Variants in CELF4 observed in about 807,000 individuals in gnomAD.
CELF4 encodes the protein CUG-BP- and ETR-3-like factor 4.
In CELF4, 18 loss-of-function variants were observed where a neutral mutation model predicts 59.9. The ratio of observed to expected loss-of-function variants is 0.30; its 90% confidence interval spans 0.21 to 0.45. The LOEUF is 0.45. CELF4 is among the 20% of genes least tolerant of loss of function. The probability of loss-of-function intolerance (pLI) is 1.00; values close to 1 mark genes in which losing one functional copy is unlikely to be tolerated. For missense variants in CELF4, 456 were observed against 689.0 expected (o/e 0.66, Z 3.79); for synonymous variants, 261 against 267.1 (o/e 0.98, Z 0.22).
chr18:37,544,900 C>T (rs900106505), intron 1 of CELF4, among the ~76,000 whole-genome samples: 2 of 152,180 alleles, frequency 1.3e-5, no homozygotes, highest in Non-Finnish European at 1.5e-5. Flanking sequence ...TTGTTGACAA[C>T]TTGGACAGGG....
intron 2 of CELF4, among the ~76,000 whole-genome samples, chr18:37,334,057 G>A (rs558947738): frequency 1.2e-4 from 19 of 152,254 alleles, no homozygotes; most frequent in African/African-American, 3.1e-4. Context: ...CTGAAAGTGC[G>A]TTCTTTACCT....
At chr18:37,375,778 T>C (rs1233271311) in intron 2 of CELF4, among the ~76,000 whole-genome samples, 1 of 152,076 alleles carries the variant, frequency 6.6e-6, no homozygotes, top group Non-Finnish European at 1.5e-5. Flanking sequence ...CCAACTCCTT[T>C]AGGGCTACAG....
intron 10 of CELF4, among the ~76,000 whole-genome samples, chr18:37,263,073 G>A (rs538098775): frequency 6.6e-6 from 1 of 152,278 alleles, no homozygotes; most frequent in Non-Finnish European, 1.5e-5. Context: ...TAAAGGAAGG[G>A]CAGTGTGCAC....
intron 2 of CELF4, among the ~76,000 whole-genome samples, chr18:37,330,630 C>A (rs1299616301): frequency 1.3e-5 from 2 of 152,158 alleles, no homozygotes; most frequent in African/African-American, 4.8e-5. Context: ...TTCCCGATGC[C>A]CACGCAGGGC....
At chr18:37,260,908 G>C (rs1051200500) in intron 10 of CELF4, among the ~76,000 whole-genome samples, 2 of 151,698 alleles carry the variant, frequency 1.3e-5, no homozygotes, top group Non-Finnish European at 2.9e-5. Flanking sequence ...ATTCAGAACC[G>C]GGCACAAACA....
intron 5 of CELF4, 152 bp from the exon 6 acceptor site, chr18:37,274,606 C>A (rs186688229): frequency 6.5e-7 from 1 of 1,530,806 alleles, no homozygotes; most frequent in South Asian, 1.2e-5. Flanking sequence ...GTGTGAACCC[C>A]ACCGCGGGCA....
At chr18:37,472,221 G>A (rs1357757848) in intron 2 of CELF4, among the ~76,000 whole-genome samples, 1 of 152,280 alleles carries the variant, frequency 6.6e-6, no homozygotes. Flanking sequence ...GCACAGCCAG[G>A]CCTTGGCAGG....
At chr18:37,248,028 A>C (rs2063165660) in intron 12 of CELF4, among the ~76,000 whole-genome samples, 2 of 152,110 alleles carry the variant, frequency 1.3e-5, no homozygotes, top group Admixed American at 1.3e-4. Flanking sequence ...CACGGGGTCC[A>C]TCTACAAAAT....
intron 2 of CELF4, among the ~76,000 whole-genome samples, chr18:37,328,765 A>G (rs2097424322): frequency 6.6e-6 from 1 of 151,696 alleles, no homozygotes; most frequent in African/African-American, 2.4e-5. Flanking sequence ...CTGCCCTCCA[A>G]CCCCACCCCA....
chr18:37,535,439 T>C (rs985589177), intron 1 of CELF4, among the ~76,000 whole-genome samples: 3 of 152,150 alleles, frequency 2.0e-5, no homozygotes, highest in Non-Finnish European at 4.4e-5. Context: ...TTGCAGACTT[T>C]CCGAGCAGCT....
chr18:37,416,864 G>A (rs2099533247), intron 2 of CELF4, among the ~76,000 whole-genome samples: 1 of 152,154 alleles, frequency 6.6e-6, no homozygotes, highest in South Asian at 2.1e-4. Context: ...CAAGACAGGT[G>A]GAAATGCTAG....
chr18:37,459,400 T>G (rs555632801), intron 2 of CELF4, among the ~76,000 whole-genome samples: 47 of 152,336 alleles, frequency 3.1e-4, no homozygotes, highest in South Asian at 2.1e-4. Context: ...GCTCTTGAAC[T>G]TCCAGTCAGT....
intron 2 of CELF4, among the ~76,000 whole-genome samples, chr18:37,412,691 G>T (rs1791479): frequency 6.6e-6 from 1 of 152,076 alleles, no homozygotes; most frequent in Non-Finnish European, 1.5e-5. Context: ...TGTATGGACG[G>T]GTGAATGAAT....
At chr18:37,258,623 A>G (rs2071863659) in intron 11 of CELF4, among the ~76,000 whole-genome samples, 1 of 152,140 alleles carries the variant, frequency 6.6e-6, no homozygotes, top group Non-Finnish European at 1.5e-5. Flanking sequence ...AGCAGGGTAG[A>G]CAGAGAAGGA....
At position 37,261,101 on chromosome 18, in the gene CELF4, T is replaced by C. The variant is rs534651423; in HGVS notation, c.1250-1837A>G. Among the ~76,000 whole-genome samples the C allele has an allele frequency of 5.3e-5, 8 of 152,032 alleles. No homozygotes were observed. The South Asian group carries it at 8.4e-4, about 16-fold the overall frequency. On this transcript the variant is annotated intron_variant, in intron 10 of 12. Transcript: ENST00000420428. Reference sequence around the variant, plus strand: ...TCTGAAAGAACCTCCAGCCTCTCCCTGCTCATGCCCGAATCCACACTTCAT... The same window carrying C: ...TCTGAAAGAACCTCCAGCCTCTCCCCGCTCATGCCCGAATCCACACTTCAT...
At chr18:37,477,298 G>A (rs1029760306) in intron 2 of CELF4, among the ~76,000 whole-genome samples, 1 of 152,262 alleles carries the variant, frequency 6.6e-6, no homozygotes, top group Non-Finnish European at 1.5e-5. Flanking sequence ...CCCGAGCGGG[G>A]CAGAGAATTT....
intron 3 of CELF4, among the ~76,000 whole-genome samples, chr18:37,293,640 T>C (rs1340170108): frequency 6.6e-6 from 1 of 152,208 alleles, no homozygotes; most frequent in African/African-American, 2.4e-5. Context: ...ATCACTGTCC[T>C]TATTCCTGCA....
chr18:37,557,857 T>C (rs943069914), intron 1 of CELF4, among the ~76,000 whole-genome samples: 13 of 152,122 alleles, frequency 8.5e-5, no homozygotes, highest in African/African-American at 3.1e-4. Flanking sequence ...TGAGCTGAGC[T>C]GCGGGGAATC....
chr18:37,295,235 G>A (rs1425898801), intron 3 of CELF4, among the ~76,000 whole-genome samples: 7 of 152,204 alleles, frequency 4.6e-5, no homozygotes, highest in African/African-American at 1.2e-4. Flanking sequence ...GGCTGCAAAC[G>A]TCCCCTTTTC....
Sources: gnomAD v4.1 joint callset for allele counts (sites outside exome capture counted in the v4.1 genomes callset) on GRCh38, gnomAD v4.1.1 for gene constraint, MANE v1.5 for transcripts, NCBI Gene and HGNC (gene_info 2026-07-23, HGNC 2026-07-21) for gene names.